The following ZNF724 variants were observed in gnomAD, a reference collection of about 807,000 sequenced individuals.
ZNF724 encodes zinc finger protein 724 pseudogene.
A neutral mutation model predicts 29.3 loss-of-function variants in ZNF724; 14 were observed. That is an observed-to-expected ratio of 0.48 (90% CI 0.32 to 0.75). The LOEUF (loss-of-function observed/expected upper bound fraction) is 0.75, where lower values mean the gene tolerates loss of function less well. Ranked by LOEUF, ZNF724 falls within the 30% of genes least tolerant of loss-of-function variation. The pLI is 0.04. For synonymous variants in ZNF724, 180 were observed against 193.6 expected (o/e 0.93, Z 0.58); for missense variants, 557 against 571.2 (o/e 0.98, Z 0.25).
At chr19:23,250,186 A>G (rs1409080464) in intron 1 of ZNF724, 54 bp downstream of exon 1, 4 of 579,394 alleles carry the variant, frequency 6.9e-6, no homozygotes, top group Non-Finnish European at 1.4e-5. Flanking sequence ...CACTTCCCAC[A>G]GGTTTCAACC....
intron 3 of ZNF724, among the ~76,000 whole-genome samples, chr19:23,226,548 A>G (rs1314830458): frequency 6.6e-6 from 1 of 152,208 alleles, no homozygotes; most frequent in Non-Finnish European, 1.5e-5. Flanking sequence ...TAGAAGAAGA[A>G]CCGAAAAAAG....
At chr19:23,226,270 C>T (rs1191958375) in intron 3 of ZNF724, among the ~76,000 whole-genome samples, 3 of 152,122 alleles carry the variant, frequency 2.0e-5, no homozygotes, top group Non-Finnish European at 4.4e-5. Context: ...CCACAATGGT[C>T]TCGACCTCCT....
At position 23,226,121 on chromosome 19, in the gene ZNF724, G is replaced by A. The variant is rs570800678; in HGVS notation, c.227-2103C>T. 6.1e-5 allele frequency among the ~76,000 whole-genome samples: 9 copies of A among 147,314 alleles called. No individual in the cohort carries two copies. The South Asian group carries it at 1.5e-3, about 25-fold the overall frequency. Reference sequence around the variant, plus strand: ...GGCTGGAGTGCAGTGGCTGAATCTCGGCTCACTGCAAGCTCTACCTCCTGG... The same window carrying A: ...GGCTGGAGTGCAGTGGCTGAATCTCAGCTCACTGCAAGCTCTACCTCCTGG... On this transcript the variant is annotated intron_variant, in intron 3 of 3. Coordinates refer to ENST00000418100, the MANE Select transcript of ZNF724 (RefSeq NM_001355404.2).
chr19:23,240,122 C>G (rs1972093074), intron 1 of ZNF724, among the ~76,000 whole-genome samples: 2 of 151,774 alleles, frequency 1.3e-5, no homozygotes, highest in African/African-American at 4.8e-5. Flanking sequence ...GACCAACCAG[C>G]CTGGTCAACA....
At chr19:23,241,878 G>C (rs1972130361) in intron 1 of ZNF724, among the ~76,000 whole-genome samples, 1 of 152,138 alleles carries the variant, frequency 6.6e-6, no homozygotes, top group Non-Finnish European at 1.5e-5. Context: ...TGGAAGTCCT[G>C]GCTAGAGAAA....
chr19:23,232,944 C>T (rs891015477), intron 1 of ZNF724, among the ~76,000 whole-genome samples: 1 of 152,042 alleles, frequency 6.6e-6, no homozygotes, highest in African/African-American at 2.4e-5. Context: ...TTATACAAAT[C>T]AGCTGCACAA....
chr19:23,241,667 A>G (rs1972126878), intron 1 of ZNF724, among the ~76,000 whole-genome samples: 1 of 152,222 alleles, frequency 6.6e-6, no homozygotes, highest in Non-Finnish European at 1.5e-5. Flanking sequence ...GATGCAGAAA[A>G]AACTTCCAAT....
At chr19:23,225,463 G>A (rs1033773440) in intron 3 of ZNF724, among the ~76,000 whole-genome samples, 9 of 151,970 alleles carry the variant, frequency 5.9e-5, no homozygotes, top group Middle Eastern at 3.4e-3. Flanking sequence ...AAATTTATCC[G>A]GGCATGATGG....
chr19:23,247,886 T>C (rs965206567), intron 1 of ZNF724, among the ~76,000 whole-genome samples: 60 of 152,244 alleles, frequency 3.9e-4, no homozygotes, highest in African/African-American at 1.3e-3. Flanking sequence ...GGCATTCACC[T>C]TCTTCTTGAG....
chr19:23,238,574 G>A (rs2145787123), intron 1 of ZNF724, among the ~76,000 whole-genome samples: 1 of 152,088 alleles, frequency 6.6e-6, no homozygotes, highest in Non-Finnish European at 1.5e-5. Flanking sequence ...TTTTTATAAG[G>A]TAAGAAAATA....
At chr19:23,227,558 A>AAAAAAAAAC (rs1235862628) in intron 3 of ZNF724, among the ~76,000 whole-genome samples, 10 of 109,374 alleles carry the variant, frequency 9.1e-5, no homozygotes, top group South Asian at 3.3e-4. Context: ...TCCATCTCAA[A>AAAAAAAAAC]AAAAAAAAAA....
At chr19:23,247,113 C>T (rs1056139186) in intron 1 of ZNF724, among the ~76,000 whole-genome samples, 1 of 152,152 alleles carries the variant, frequency 6.6e-6, no homozygotes, top group African/African-American at 2.4e-5. Flanking sequence ...ATCCCAGCTA[C>T]TCAGGAGGCT....
intron 3 of ZNF724, among the ~76,000 whole-genome samples, chr19:23,224,764 G>A (rs530678880): frequency 1.7e-3 from 253 of 152,102 alleles, no homozygotes; most frequent in African/African-American, 5.8e-3. Context: ...GAACCACCCC[G>A]GCCAATATGG....
At chr19:23,240,995 T>G (rs953164282) in intron 1 of ZNF724, among the ~76,000 whole-genome samples, 1 of 151,820 alleles carries the variant, frequency 6.6e-6, no homozygotes, top group African/African-American at 2.4e-5. Context: ...ATCACGCCAG[T>G]GCACTCCAAC....
chr19:23,245,396 G>A (rs1200493866), intron 1 of ZNF724, among the ~76,000 whole-genome samples: 1 of 152,116 alleles, frequency 6.6e-6, no homozygotes, highest in Non-Finnish European at 1.5e-5. Context: ...GGTGGATCAC[G>A]AGGTCAGGAG....
intron 3 of ZNF724, among the ~76,000 whole-genome samples, chr19:23,228,246 T>C (rs1971873271): frequency 6.6e-6 from 1 of 151,962 alleles, no homozygotes; most frequent in Non-Finnish European, 1.5e-5. Flanking sequence ...GGTCAGGAGT[T>C]CGAGACCAGC....
rs1334547410 is a variant in ZNF724 at position 23,223,839 on chromosome 19, A to G, written c.406T>C (p.Cys136Arg). 1 of 779,994 alleles carries G rather than the reference A, an allele frequency of 1.3e-6. No homozygotes were observed. Among genetic ancestry groups the G allele is most frequent in the Non-Finnish European group, 2.4e-6 (1 of 417,772 alleles). The allele number at this position is 779,994 out of a possible 1,614,324, so 48.3% of individuals were successfully genotyped here. ...HKGSYNGFNQ[C>R]LTTTQSKIFQ... ...ATTTTGCTCTGGGTAGTTGTCAAAC[A>G]CTGGTTAAATCCATTATAACTTCCT... is the stretch of plus-strand genomic sequence containing the variant. The change falls in exon 4 of 4, where the codon TGT becomes CGT. Residue 136 changes from cysteine to arginine, a missense_variant. Physicochemically the swap from Cys to Arg is radical, Grantham distance 180. Around this residue, in one of 3 missense-constraint regions of ZNF724, gnomAD observed 362 missense variants for 295.5 expected, o/e 1.22. Coordinates refer to ENST00000418100, the MANE Select transcript of ZNF724 (RefSeq NM_001355404.2).
At chr19:23,241,178 G>C (rs570978931) in intron 1 of ZNF724, among the ~76,000 whole-genome samples, 4 of 152,022 alleles carry the variant, frequency 2.6e-5, no homozygotes, top group Non-Finnish European at 5.9e-5. Context: ...TAAATTTCTA[G>C]ACAAACAAAT....
intron 1 of ZNF724, among the ~76,000 whole-genome samples, chr19:23,249,233 G>A (rs1251866394): frequency 3.7e-5 from 5 of 135,458 alleles, no homozygotes; most frequent in African/African-American, 1.4e-4. Flanking sequence ...TATTTTTGCA[G>A]AGACTGCCTT....
Sources: gnomAD v4.1 joint callset for allele counts (sites outside exome capture counted in the v4.1 genomes callset) on GRCh38, gnomAD v4.1.1 for gene constraint, gnomAD v4.1.1 regional missense constraint, MANE v1.5 for transcripts, NCBI Gene and HGNC (gene_info 2026-07-23, HGNC 2026-07-21) for gene names.